RPS6KC1: variants seen among roughly 807,000 people sequenced by gnomAD.
RPS6KC1 encodes ribosomal protein S6 kinase C1, also known as inactive ribosomal protein S6 kinase delta-1.
Under a neutral mutation model 103.8 loss-of-function variants are expected in RPS6KC1, and 54 were observed. That is an observed-to-expected ratio of 0.52 (90% CI 0.42 to 0.65). The LOEUF (loss-of-function observed/expected upper bound fraction) is 0.65, where lower values mean the gene tolerates loss of function less well. Among genes scored for constraint, RPS6KC1 ranks in the 30% least tolerant of loss-of-function variants. The probability of loss-of-function intolerance (pLI) is 0.00; values close to 1 mark genes in which losing one functional copy is unlikely to be tolerated. For missense variants in RPS6KC1, 1,151 were observed against 1,253.8 expected (o/e 0.92, Z 1.24); for synonymous variants, 439 against 438.7 (o/e 1.00, Z -0.01).
chr1:213,333,064 C>T, the RPS6KC1 span, among the ~76,000 whole-genome samples: 1 of 152,182 alleles, frequency 6.6e-6, no homozygotes. Flanking sequence ...ATTGTTTCCA[C>T]CTTCCAAACT....
At chr1:213,219,043 A>C (rs1378202428) in intron 8 of RPS6KC1, among the ~76,000 whole-genome samples, 1 of 152,236 alleles carries the variant, frequency 6.6e-6, no homozygotes, top group Non-Finnish European at 1.5e-5. Context: ...GCTTCTGCAC[A>C]GCAAAAGAAA....
the RPS6KC1 span, among the ~76,000 whole-genome samples, chr1:213,498,517 C>CAT: frequency 7.0e-6 from 1 of 143,658 alleles, no homozygotes; most frequent in Non-Finnish European, 1.5e-5. Context: ...TGCAGTGGTG[C>CAT]GATCTTGGCT....
At chr1:213,779,690 T>C in the RPS6KC1 span, among the ~76,000 whole-genome samples, 8 of 152,160 alleles carry the variant, frequency 5.3e-5, no homozygotes, top group African/African-American at 1.9e-4. Flanking sequence ...GTGTGACCAT[T>C]TGGACCATGA....
At chr1:213,464,549 A>G in the RPS6KC1 span, among the ~76,000 whole-genome samples, 3 of 152,140 alleles carry the variant, frequency 2.0e-5, no homozygotes, top group Admixed American at 6.5e-5. Flanking sequence ...TTAAAAAAAT[A>G]TATTATCTTT....
chr1:213,541,379 A>G, the RPS6KC1 span, among the ~76,000 whole-genome samples: 1 of 152,002 alleles, frequency 6.6e-6, no homozygotes, highest in Non-Finnish European at 1.5e-5. Context: ...CCAAAATGAG[A>G]CACAGAGACA....
At chr1:213,366,820 C>T in the RPS6KC1 span, among the ~76,000 whole-genome samples, 4 of 152,210 alleles carry the variant, frequency 2.6e-5, no homozygotes, top group Non-Finnish European at 4.4e-5. Context: ...TATCTTCATA[C>T]GGTTTTGGTT....
At chr1:213,305,279 C>T in the RPS6KC1 span, among the ~76,000 whole-genome samples, 1 of 152,016 alleles carries the variant, frequency 6.6e-6, no homozygotes, top group Non-Finnish European at 1.5e-5. Flanking sequence ...AGATGGGTTT[C>T]ACCATGTTGG....
the RPS6KC1 span, among the ~76,000 whole-genome samples, chr1:213,860,250 T>A: frequency 1.1e-4 from 17 of 151,814 alleles, no homozygotes; most frequent in Admixed American, 2.6e-4. Flanking sequence ...TAGATTTTTT[T>A]AAATATCAAT....
At chr1:213,249,857 A>C (rs960290476) in intron 12 of RPS6KC1, among the ~76,000 whole-genome samples, 1 of 152,248 alleles carries the variant, frequency 6.6e-6, no homozygotes, top group Non-Finnish European at 1.5e-5. Flanking sequence ...CCCTTGAACA[A>C]GTAATTCTTG....
the RPS6KC1 span, among the ~76,000 whole-genome samples, chr1:213,610,852 G>A: frequency 6.6e-6 from 1 of 152,146 alleles, no homozygotes; most frequent in South Asian, 2.1e-4. Context: ...CAAGTCAATT[G>A]GAGTCAACTG....
the RPS6KC1 span, among the ~76,000 whole-genome samples, chr1:213,401,003 G>C: frequency 6.6e-6 from 1 of 152,068 alleles, no homozygotes; most frequent in Non-Finnish European, 1.5e-5. Context: ...CACCGTGCTC[G>C]TCCCCTTTTG....
the RPS6KC1 span, among the ~76,000 whole-genome samples, chr1:213,481,145 A>G: frequency 8.5e-5 from 13 of 152,288 alleles, no homozygotes; most frequent in South Asian, 4.1e-4. Context: ...ATGAATGGGA[A>G]GCACTCTCCT....
chr1:213,525,300 G>C, the RPS6KC1 span, among the ~76,000 whole-genome samples: 1 of 152,316 alleles, frequency 6.6e-6, no homozygotes, highest in East Asian at 1.9e-4. Context: ...AAGAGAAAGA[G>C]AGGAATTAAG....
chr1:213,451,635 T>A, the RPS6KC1 span, among the ~76,000 whole-genome samples: 2 of 152,194 alleles, frequency 1.3e-5, no homozygotes, highest in African/African-American at 4.8e-5. Flanking sequence ...CATTCTACCA[T>A]CTCCATGAGG....
chr1:213,433,073 A>G, the RPS6KC1 span, among the ~76,000 whole-genome samples: 1 of 152,220 alleles, frequency 6.6e-6, no homozygotes, highest in East Asian at 1.9e-4. Context: ...CCTAAGATCA[A>G]GGTGTCAGCA....
At chr1:213,532,932 A>C in the RPS6KC1 span, among the ~76,000 whole-genome samples, 3 of 152,198 alleles carry the variant, frequency 2.0e-5, no homozygotes, top group African/African-American at 7.2e-5. Flanking sequence ...TCCCAGGAGC[A>C]ACTAATAGGC....
At chr1:213,432,749 CT>C in the RPS6KC1 span, among the ~76,000 whole-genome samples, 62,519 of 147,042 alleles carry the variant, frequency 0.43, 13,603 homozygotes, top group East Asian at 0.6. Flanking sequence ...AATCATTTCC[CT>C]TTTTTTTTTT....
the RPS6KC1 span, among the ~76,000 whole-genome samples, chr1:213,505,479 C>T: frequency 2.6e-5 from 4 of 152,184 alleles, no homozygotes; most frequent in African/African-American, 9.7e-5. Context: ...TCTCTCTGTG[C>T]CTCTGTTTTC....
At chr1:213,780,372 C>T in the RPS6KC1 span, among the ~76,000 whole-genome samples, 1 of 152,178 alleles carries the variant, frequency 6.6e-6, no homozygotes, top group African/African-American at 2.4e-5. Context: ...AATCACTAGA[C>T]AGCACAAGGT....
Sources: gnomAD v4.1 joint callset for allele counts (sites outside exome capture counted in the v4.1 genomes callset) on GRCh38, gnomAD v4.1.1 for gene constraint, MANE v1.5 for transcripts, NCBI Gene and HGNC (gene_info 2026-07-23, HGNC 2026-07-21) for gene names.